TSPAN18: variants seen among roughly 807,000 people sequenced by gnomAD.
The protein encoded by TSPAN18 is tetraspanin 18, also known as tetraspanin-18.
TSPAN18 carries 14 observed loss-of-function variants against 27.3 expected under a neutral mutation model. The ratio of observed to expected loss-of-function variants is 0.51; its 90% CI spans 0.34 to 0.80. The LOEUF is 0.80. TSPAN18 is among the 30% of genes least tolerant of loss of function. The pLI is 0.01. For missense variants in TSPAN18, 268 were observed against 323.9 expected (o/e 0.83, Z 1.32); for synonymous variants, 143 against 136.5 (o/e 1.05, Z -0.33).
At chr11:44,820,009 C>G (rs1416652329) in intron 2 of TSPAN18, among the ~76,000 whole-genome samples, 1 of 152,102 alleles carries the variant, frequency 6.6e-6, no homozygotes, top group Non-Finnish European at 1.5e-5. Flanking sequence ...TAGCGCCGGC[C>G]AAGGAGGGTT....
At chr11:44,889,745 C>T (rs2135279202) in intron 3 of TSPAN18, among the ~76,000 whole-genome samples, 1 of 152,326 alleles carries the variant, frequency 6.6e-6, no homozygotes, top group East Asian at 1.9e-4. Flanking sequence ...TTGCTTGGAG[C>T]CCTGGACCCC....
chr11:44,769,019 C>T (rs1454392726), intron 2 of TSPAN18, among the ~76,000 whole-genome samples: 3 of 151,468 alleles, frequency 2.0e-5, no homozygotes, highest in South Asian at 2.1e-4. Flanking sequence ...CTCAGCCTCC[C>T]GAATAGCTGA....
chr11:44,741,140 G>A (rs549222668), intron 1 of TSPAN18, among the ~76,000 whole-genome samples: 22 of 152,294 alleles, frequency 1.4e-4, no homozygotes, highest in African/African-American at 5.3e-4. Flanking sequence ...AAGCCGAGGC[G>A]TGGTTGTTGA....
At chr11:44,728,059 C>T (rs911047090) in intron 1 of TSPAN18, among the ~76,000 whole-genome samples, 10 of 152,220 alleles carry the variant, frequency 6.6e-5, no homozygotes, top group African/African-American at 2.2e-4. Context: ...CGCGTTCTGG[C>T]TCCTGCGAGG....
At chr11:44,869,734 A>C (rs1252447565) in intron 3 of TSPAN18, among the ~76,000 whole-genome samples, 1 of 152,210 alleles carries the variant, frequency 6.6e-6, no homozygotes. Context: ...ACACGGGCCC[A>C]GTGTTCAAAG....
intron 2 of TSPAN18, among the ~76,000 whole-genome samples, chr11:44,785,920 C>T (rs1180003194): frequency 6.6e-6 from 1 of 152,220 alleles, no homozygotes; most frequent in Non-Finnish European, 1.5e-5. Context: ...ATTTGTGTGA[C>T]CCAGGGCAAG....
chr11:44,911,135 T>C (rs1195247387), intron 5 of TSPAN18, among the ~76,000 whole-genome samples: 2 of 152,072 alleles, frequency 1.3e-5, no homozygotes, highest in Admixed American at 6.5e-5. Flanking sequence ...CGCTACAGGG[T>C]AAGTTAAAAA....
chr11:44,811,781 A>G (rs1856723106), intron 2 of TSPAN18, among the ~76,000 whole-genome samples: 1 of 152,184 alleles, frequency 6.6e-6, no homozygotes, highest in Non-Finnish European at 1.5e-5. Flanking sequence ...TGCTTTTTAA[A>G]GAACATTTAG....
chr11:44,847,681 G>A (rs1857512631), intron 2 of TSPAN18, among the ~76,000 whole-genome samples: 1 of 152,152 alleles, frequency 6.6e-6, no homozygotes, highest in South Asian at 2.1e-4. Flanking sequence ...GGTACCTCCA[G>A]GTTGAACTTT....
chr11:44,746,808 G>A lies in TSPAN18; in HGVS notation c.-239-17618G>A, dbSNP rs531461389. On this transcript the variant is annotated intron_variant, in intron 1 of 9. Coordinates refer to ENST00000520358, the MANE Select transcript of TSPAN18 (RefSeq NM_130783.5). ...CAAGATTATGATTAGAAAATACACGGTGTGCCTGGGCAGCAGAGATGCTCA... is the reference window on the plus strand; with the variant it reads ...CAAGATTATGATTAGAAAATACACGATGTGCCTGGGCAGCAGAGATGCTCA... 1.0e-3 allele frequency among the ~76,000 whole-genome samples: 156 copies of A among 152,306 alleles called. 1 individual carries two copies. Among genetic ancestry groups the A allele is most frequent in the Middle Eastern group, 3.4e-3 (1 of 294 alleles).
At chr11:44,807,996 G>A (rs1194099149) in intron 2 of TSPAN18, among the ~76,000 whole-genome samples, 1 of 152,162 alleles carries the variant, frequency 6.6e-6, no homozygotes, top group Non-Finnish European at 1.5e-5. Context: ...CCTAGAATGT[G>A]GGACCCTGGG....
chr11:44,844,708 A>T (rs747427607), intron 2 of TSPAN18, among the ~76,000 whole-genome samples: 50 of 152,130 alleles, frequency 3.3e-4, no homozygotes, highest in Non-Finnish European at 2.8e-4. Context: ...GATTTGTAGG[A>T]GTTCTTTATA....
intron 2 of TSPAN18, among the ~76,000 whole-genome samples, chr11:44,844,670 CTG>C (rs1292031049): frequency 3.3e-5 from 5 of 152,296 alleles, no homozygotes; most frequent in African/African-American, 1.2e-4. Context: ...CAATTTTAAA[CTG>C]GGTTGTTTTC....
At chr11:44,735,364 G>C (rs1294330523) in intron 1 of TSPAN18, among the ~76,000 whole-genome samples, 2 of 152,222 alleles carry the variant, frequency 1.3e-5, no homozygotes, top group Non-Finnish European at 2.9e-5. Flanking sequence ...TAAAACAACA[G>C]AAACTTATTC....
At chr11:44,751,298 C>G (rs180910592) in intron 1 of TSPAN18, among the ~76,000 whole-genome samples, 2 of 152,278 alleles carry the variant, frequency 1.3e-5, no homozygotes, top group Admixed American at 1.3e-4. Flanking sequence ...CCCTGGCAGC[C>G]TGGCAGATTT....
chr11:44,761,012 C>G (rs1855443132), intron 1 of TSPAN18, among the ~76,000 whole-genome samples: 1 of 152,162 alleles, frequency 6.6e-6, no homozygotes. Context: ...TATCGAATCT[C>G]ACAACAGCCT....
At chr11:44,788,045 T>C (rs1339003479) in intron 2 of TSPAN18, among the ~76,000 whole-genome samples, 1 of 152,134 alleles carries the variant, frequency 6.6e-6, no homozygotes, top group Non-Finnish European at 1.5e-5. Context: ...GAAGAAAAGG[T>C]TGAGCATGGA....
chr11:44,896,178 C>T (rs571815549), intron 3 of TSPAN18, among the ~76,000 whole-genome samples: 1 of 152,106 alleles, frequency 6.6e-6, no homozygotes, highest in Non-Finnish European at 1.5e-5. Context: ...CCCACCACCC[C>T]TTCACTGACC....
upstream of TSPAN18, chr11:44,726,900 A>AGGGCGGGGGAGGGGGAGGGC (rs1565122648): frequency 1.9e-4 from 3 of 15,992 alleles, no homozygotes; most frequent in African/African-American, 3.0e-4. Flanking sequence ...AGGGGGAGGG[A>AGGGCGGGGGAGGGGGAGGGC]GGGCGGGGGA....
Sources: allele counts gnomAD v4.1 joint callset (sites outside exome capture counted in the v4.1 genomes callset), GRCh38; gene constraint gnomAD v4.1.1; transcripts MANE v1.5; gene names NCBI Gene and HGNC (gene_info 2026-07-23, HGNC 2026-07-21).